The following STEAP1B variants were observed in gnomAD, a reference collection of about 807,000 sequenced individuals.
The protein encoded by STEAP1B is STEAP family member 1B.
In STEAP1B, 13 loss-of-function variants were observed where a neutral mutation model predicts 27.9. That is an observed-to-expected ratio of 0.47 (90% confidence interval 0.30 to 0.74). The LOEUF (loss-of-function observed/expected upper bound fraction) is 0.74, where lower values mean the gene tolerates loss of function less well. STEAP1B is among the 30% of genes least tolerant of loss of function. The pLI, the probability that STEAP1B is intolerant of heterozygous loss-of-function variation, is 0.06. For missense variants in STEAP1B, 250 were observed against 298.7 expected, an observed-to-expected ratio of 0.84 and a Z score of 1.20; for synonymous variants, 86 against 107.1, an observed-to-expected ratio of 0.80 and a Z score of 1.22.
intron 4 of STEAP1B, among the ~76,000 whole-genome samples, chr7:22,439,723 G>C (rs1317262559): frequency 6.6e-6 from 1 of 152,138 alleles, no homozygotes; most frequent in Admixed American, 6.6e-5. Context: ...AATCCACTGT[G>C]ATTGATATTC....
chr7:22,449,671 T>C (rs79161384), intron 4 of STEAP1B, among the ~76,000 whole-genome samples: 1 of 152,206 alleles, frequency 6.6e-6, no homozygotes, highest in Non-Finnish European at 1.5e-5. Flanking sequence ...AGCAGTGGGA[T>C]TGCTGGATCC....
At chr7:22,489,397 T>C (rs764660481) in intron 4 of STEAP1B, among the ~76,000 whole-genome samples, 2 of 152,208 alleles carry the variant, frequency 1.3e-5, no homozygotes, top group Non-Finnish European at 2.9e-5. Context: ...ATATGTCTGA[T>C]AATTGGGCAC....
intron 4 of STEAP1B, among the ~76,000 whole-genome samples, chr7:22,445,243 G>C (rs895538331): frequency 6.6e-6 from 1 of 152,244 alleles, no homozygotes; most frequent in Non-Finnish European, 1.5e-5. Flanking sequence ...GTTCTCTTGG[G>C]CCAACAGCAG....
intron 4 of STEAP1B, among the ~76,000 whole-genome samples, chr7:22,424,037 G>A (rs1207783170): frequency 6.6e-6 from 1 of 152,006 alleles, no homozygotes; most frequent in Admixed American, 6.6e-5. Context: ...TCTAAAAAAG[G>A]AAAAATAATA....
intron 4 of STEAP1B, among the ~76,000 whole-genome samples, chr7:22,470,467 G>A (rs1785861910): frequency 6.6e-6 from 1 of 152,162 alleles, no homozygotes; most frequent in African/African-American, 2.4e-5. Context: ...AAATGTAGAA[G>A]GAATGAGGGA....
intron 4 of STEAP1B, among the ~76,000 whole-genome samples, chr7:22,469,404 G>A (rs1455040121): frequency 6.6e-6 from 1 of 152,132 alleles, no homozygotes; most frequent in Non-Finnish European, 1.5e-5. Flanking sequence ...TATAAGTTTA[G>A]TGTAACCTAA....
At chr7:22,459,719 C>A (rs943589416) in intron 4 of STEAP1B, among the ~76,000 whole-genome samples, 1 of 152,164 alleles carries the variant, frequency 6.6e-6, no homozygotes, top group Non-Finnish European at 1.5e-5. Flanking sequence ...CCACCAACAT[C>A]CTTTTTTAAA....
intron 4 of STEAP1B, among the ~76,000 whole-genome samples, chr7:22,434,635 T>A (rs934902564): frequency 6.6e-6 from 1 of 152,212 alleles, no homozygotes; most frequent in Non-Finnish European, 1.5e-5. Context: ...ATTCTCTAAA[T>A]GTTTTTGAGC....
chr7:22,426,079 A>G (rs140466475), intron 4 of STEAP1B, among the ~76,000 whole-genome samples: 54 of 152,336 alleles, frequency 3.5e-4, no homozygotes, highest in African/African-American at 1.3e-3. Context: ...CACCAGCCCA[A>G]TGTGGCCATC....
At chr7:22,495,558 G>C (rs1217137643) in intron 1 of STEAP1B, 1 of 152,152 alleles carries the variant, frequency 6.6e-6, no homozygotes, top group Non-Finnish European at 1.5e-5. Context: ...TCCTCATCCA[G>C]GATTGGTGTA....
chr7:22,484,648 T>TACTTATTCAATA (rs1786168867), intron 4 of STEAP1B, among the ~76,000 whole-genome samples: 1 of 152,190 alleles, frequency 6.6e-6, no homozygotes, highest in African/African-American at 2.4e-5. Context: ...AACTTTCAAG[T>TACTTATTCAATA]CTTATTTTTT....
intron 4 of STEAP1B, among the ~76,000 whole-genome samples, chr7:22,422,944 C>T (rs781235125): frequency 9.2e-5 from 14 of 151,882 alleles, no homozygotes; most frequent in African/African-American, 2.9e-4. Context: ...AGGGTGTGAA[C>T]GGAGATATTT....
chr7:22,490,754 T>C (rs1786308509), intron 4 of STEAP1B, among the ~76,000 whole-genome samples: 1 of 152,192 alleles, frequency 6.6e-6, no homozygotes, highest in Non-Finnish European at 1.5e-5. Flanking sequence ...ATGAAGAAAG[T>C]AGTGTGTATT....
intron 4 of STEAP1B, among the ~76,000 whole-genome samples, chr7:22,439,709 G>A (rs1335387739): frequency 6.6e-6 from 1 of 152,086 alleles, no homozygotes; most frequent in East Asian, 1.9e-4. Flanking sequence ...TCATAAATGT[G>A]TCCAATCCAC....
At chr7:22,477,054 T>A (rs942151575) in intron 4 of STEAP1B, among the ~76,000 whole-genome samples, 4 of 152,126 alleles carry the variant, frequency 2.6e-5, no homozygotes, top group Non-Finnish European at 5.9e-5. Flanking sequence ...TTCTGCTGAG[T>A]AACCTAATCA....
At chr7:22,433,276 T>C (rs1188296335) in intron 4 of STEAP1B, among the ~76,000 whole-genome samples, 5 of 151,262 alleles carry the variant, frequency 3.3e-5, no homozygotes, top group African/African-American at 1.2e-4. Flanking sequence ...CAACTTACTA[T>C]TTCAAGCCCT....
At chr7:22,455,012 G>A (rs1348015125) in intron 4 of STEAP1B, among the ~76,000 whole-genome samples, 5 of 151,542 alleles carry the variant, frequency 3.3e-5, no homozygotes, top group Admixed American at 6.6e-5. Flanking sequence ...ACAGGTGCTC[G>A]CCACCACACC....
At chr7:22,466,463 A>G (rs1398110173) in intron 4 of STEAP1B, among the ~76,000 whole-genome samples, 1 of 147,766 alleles carries the variant, frequency 6.8e-6, no homozygotes, top group Non-Finnish European at 1.5e-5. Context: ...ATGTATGACC[A>G]TGTGATGAGG....
intron 4 of STEAP1B, among the ~76,000 whole-genome samples, chr7:22,437,222 A>G (rs1221815038): frequency 5.9e-5 from 9 of 152,232 alleles, no homozygotes; most frequent in Admixed American, 4.6e-4. Flanking sequence ...TTCATCTCGC[A>G]TAACTGAAAC....
Sources: gnomAD v4.1 joint callset for allele counts (sites outside exome capture counted in the v4.1 genomes callset) on GRCh38, gnomAD v4.1.1 for gene constraint, MANE v1.5 for transcripts, NCBI Gene and HGNC (gene_info 2026-07-23, HGNC 2026-07-21) for gene names.